The following LPP variants were observed in gnomAD, a reference collection of about 807,000 sequenced individuals.
LPP encodes the protein lipoma-preferred partner.
Under a neutral mutation model 60.4 loss-of-function variants are expected in LPP, and 38 were observed. That is an observed-to-expected ratio of 0.63 (90% confidence interval 0.49 to 0.83). The LOEUF (loss-of-function observed/expected upper bound fraction) is 0.83, where lower values mean the gene tolerates loss of function less well. Among genes scored for constraint, LPP ranks in the 40% least tolerant of loss-of-function variants. LPP has a pLI of 0.00. For missense variants in LPP, 902 were observed against 783.6 expected, an observed-to-expected ratio of 1.15 and a Z score of -1.80; for synonymous variants, 328 against 290.8, an observed-to-expected ratio of 1.13 and a Z score of -1.30.
In LPP at chr3:188,640,857, TAATCACAACTTCCCATACAGA is replaced by T. The variant is rs1258059643; in HGVS notation, c.1113+31017_1113+31037del. Among the ~76,000 whole-genome samples, 7 of 152,368 alleles carry T rather than the reference TAATCACAACTTCCCATACAGA, an allele frequency of 4.6e-5. No individual in the cohort carries two copies. In the South Asian group the frequency reaches 1.4e-3, roughly 32 times the overall value. ...TTATTGATAACACAACTGATTATTG[TAATCACAACTTCCCATACAGA>T]AATTACTATTTGTATTATTCTCCAA... On this transcript the variant is annotated intron_variant, in intron 7 of 11. Coordinates refer to ENST00000617246, the MANE Select transcript of LPP (RefSeq NM_001375462.1).
intron 1 of LPP, among the ~76,000 whole-genome samples, chr3:188,163,666 G>C (rs1431665959): frequency 1.3e-5 from 2 of 152,050 alleles, no homozygotes; most frequent in Non-Finnish European, 2.9e-5. Context: ...GAGTGGCCAG[G>C]CATGGTGGCT....
intron 9 of LPP, among the ~76,000 whole-genome samples, chr3:188,763,195 GT>G (rs1732977994): frequency 6.6e-6 from 1 of 151,828 alleles, no homozygotes; most frequent in Non-Finnish European, 1.5e-5. Flanking sequence ...TGTCTAAAAG[GT>G]ATTCCATACA....
chr3:188,173,698 G>C (rs1722279535), intron 1 of LPP, among the ~76,000 whole-genome samples: 2 of 152,098 alleles, frequency 1.3e-5, no homozygotes, highest in Admixed American at 1.3e-4. Flanking sequence ...TCTCCCTGAA[G>C]GGCTCCAGCA....
chr3:188,389,799 A>G (rs1414745925), intron 3 of LPP, among the ~76,000 whole-genome samples: 6 of 110,010 alleles, frequency 5.5e-5, no homozygotes, highest in African/African-American at 1.1e-4. Flanking sequence ...AAAAAATGGG[A>G]CTCCGTCTCA....
intron 9 of LPP, among the ~76,000 whole-genome samples, chr3:188,825,769 TTTTGTTTG>T (rs952032744): frequency 6.6e-6 from 1 of 152,028 alleles, no homozygotes; most frequent in African/African-American, 2.4e-5. Flanking sequence ...TGTTTTTGTT[TTTTGTTTG>T]TTTGTTTGTT....
intron 7 of LPP, among the ~76,000 whole-genome samples, chr3:188,650,813 CTG>C (rs746334821): frequency 1.7e-4 from 26 of 152,104 alleles, no homozygotes; most frequent in Non-Finnish European, 3.4e-4. Flanking sequence ...CAGTGCACTG[CTG>C]TGTTTGTAAA....
rs779576454 is a variant in LPP, at chr3:188,575,364, G to A, written c.430-33797G>A. ...TCATAGTCTTATTTATTTATTTTAC[G>A]TTTAGTCTGGATTTAAAATGTACAA... On this transcript the variant is annotated intron_variant, in intron 6 of 11. Transcript: ENST00000617246. Among the ~76,000 whole-genome samples, 7 of 152,016 alleles carry A rather than the reference G, an allele frequency of 4.6e-5. No homozygotes were observed. In the East Asian group the frequency reaches 5.8e-4, roughly 13 times the overall value.
At chr3:188,427,584 C>G (rs1291499739) in intron 4 of LPP, among the ~76,000 whole-genome samples, 1 of 152,134 alleles carries the variant, frequency 6.6e-6, no homozygotes, top group Non-Finnish European at 1.5e-5. Context: ...TGGGAAAGTT[C>G]TCCTTTCTTT....
chr3:188,822,960 G>A (rs1380459428), intron 9 of LPP, among the ~76,000 whole-genome samples: 1 of 151,872 alleles, frequency 6.6e-6, no homozygotes, highest in African/African-American at 2.4e-5. Flanking sequence ...TTTTTATTAG[G>A]GCAGGTTTTT....
chr3:188,386,809 A>C (rs1778426258), intron 3 of LPP, among the ~76,000 whole-genome samples: 1 of 152,168 alleles, frequency 6.6e-6, no homozygotes, highest in Non-Finnish European at 1.5e-5. Context: ...CAGCCCATCA[A>C]AGCATTTTGC....
At chr3:188,789,774 A>G (rs1743105865) in intron 9 of LPP, among the ~76,000 whole-genome samples, 1 of 152,262 alleles carries the variant, frequency 6.6e-6, no homozygotes. Context: ...GAGTGAACCT[A>G]TCAACAGGCA....
chr3:188,158,141 C>A (rs1717078145), intron 1 of LPP, among the ~76,000 whole-genome samples: 1 of 151,980 alleles, frequency 6.6e-6, no homozygotes, highest in South Asian at 2.1e-4. Context: ...AGGCATAGTA[C>A]CACTTTTAGT....
chr3:188,305,948 G>T (rs906455859), intron 2 of LPP, among the ~76,000 whole-genome samples: 5 of 152,170 alleles, frequency 3.3e-5, no homozygotes, highest in Admixed American at 6.5e-5. Flanking sequence ...GGTGGAGGAA[G>T]TTTCAACTTT....
chr3:188,688,399 G>A (rs530337565), intron 7 of LPP, among the ~76,000 whole-genome samples: 100 of 152,252 alleles, frequency 6.6e-4, no homozygotes, highest in South Asian at 2.1e-3. Context: ...TGTTCATAAG[G>A]CATTATATTG....
intron 2 of LPP, among the ~76,000 whole-genome samples, chr3:188,308,506 G>T (rs1752237380): frequency 6.6e-6 from 1 of 152,140 alleles, no homozygotes; most frequent in South Asian, 2.1e-4. Context: ...AAAATTGATG[G>T]ATCATAGTGA....
At chr3:188,754,000 T>C (rs966428874) in intron 8 of LPP, among the ~76,000 whole-genome samples, 10 of 152,288 alleles carry the variant, frequency 6.6e-5, no homozygotes, top group African/African-American at 9.6e-5. Flanking sequence ...GCAATAACCA[T>C]AGGAGATTGC....
intron 3 of LPP, among the ~76,000 whole-genome samples, chr3:188,403,879 A>G (rs983359216): frequency 6.6e-6 from 1 of 152,154 alleles, no homozygotes; most frequent in Non-Finnish European, 1.5e-5. Context: ...GTGTGTGTGT[A>G]TATATATACA....
intron 8 of LPP, among the ~76,000 whole-genome samples, chr3:188,753,794 T>C (rs1211671210): frequency 2.6e-5 from 4 of 152,060 alleles, no homozygotes; most frequent in Non-Finnish European, 5.9e-5. Flanking sequence ...AGTGTGTATA[T>C]GTATTTGTAG....
chr3:188,272,643 T>C (rs1485124089), intron 2 of LPP, among the ~76,000 whole-genome samples: 1 of 152,212 alleles, frequency 6.6e-6, no homozygotes, highest in African/African-American at 2.4e-5. Flanking sequence ...TTGAGAAGAA[T>C]GAATCAGGAT....
Sources: allele counts gnomAD v4.1 joint callset (sites outside exome capture counted in the v4.1 genomes callset), GRCh38; gene constraint gnomAD v4.1.1; transcripts MANE v1.5; gene names NCBI Gene and HGNC (gene_info 2026-07-23, HGNC 2026-07-21).